The following BCAS3 variants were observed in gnomAD, a reference collection of about 807,000 sequenced individuals.
BCAS3 encodes the protein BCAS4/BCAS3 fusion.
In BCAS3, 53 loss-of-function variants were observed where a neutral mutation model predicts 116.1. The observed-to-expected ratio is 0.46, with a 90% CI of 0.37 to 0.57. The LOEUF (loss-of-function observed/expected upper bound fraction) is 0.57. Among genes scored for constraint, BCAS3 ranks in the 20% least tolerant of loss-of-function variants. BCAS3 has a pLI of 0.00. For synonymous variants in BCAS3, 391 were observed against 408.2 expected, an observed-to-expected ratio of 0.96 and a Z score of 0.51; for missense variants, 917 against 1,165.4, an observed-to-expected ratio of 0.79 and a Z score of 3.10.
At chr17:61,024,103 G>C (rs879587700) in intron 16 of BCAS3, among the ~76,000 whole-genome samples, 1 of 152,124 alleles carries the variant, frequency 6.6e-6, no homozygotes, top group Non-Finnish European at 1.5e-5. Context: ...GAAGTCATAG[G>C]TGAAGACAGC....
chr17:60,767,837 G>A (rs932339386), intron 6 of BCAS3, among the ~76,000 whole-genome samples: 1 of 152,062 alleles, frequency 6.6e-6, no homozygotes, highest in Non-Finnish European at 1.5e-5. Flanking sequence ...GTCTCACTCT[G>A]TTGCCCAGGC....
intron 22 of BCAS3, among the ~76,000 whole-genome samples, chr17:61,119,226 A>G (rs1261366774): frequency 6.6e-6 from 1 of 152,208 alleles, no homozygotes; most frequent in African/African-American, 2.4e-5. Context: ...ATGAATGACT[A>G]AAACCTAACA....
intron 5 of BCAS3, among the ~76,000 whole-genome samples, chr17:60,729,430 C>T (rs1223635156): frequency 4.7e-5 from 7 of 150,292 alleles, no homozygotes; most frequent in Non-Finnish European, 7.4e-5. Context: ...AAGAAATTGC[C>T]CAAGGTTTTC....
chr17:60,788,133 A>T (rs1007019353), intron 6 of BCAS3, among the ~76,000 whole-genome samples: 1 of 152,194 alleles, frequency 6.6e-6, no homozygotes, highest in Middle Eastern at 3.2e-3. Flanking sequence ...ACACTAAGGG[A>T]TTAAATGCAG....
chr17:60,763,979 T>C (rs1361111662), intron 6 of BCAS3, among the ~76,000 whole-genome samples: 1 of 152,236 alleles, frequency 6.6e-6, no homozygotes, highest in Non-Finnish European at 1.5e-5. Flanking sequence ...CTAGTTTATT[T>C]GCATAGAGGT....
At chr17:60,810,941 T>C in intron 7 of BCAS3, 1 of 687,778 alleles carries the variant, frequency 1.5e-6, no homozygotes, top group Non-Finnish European at 2.7e-6. Flanking sequence ...TATGACGAAC[T>C]GGCTCAGAAG....
intron 22 of BCAS3, among the ~76,000 whole-genome samples, chr17:61,091,472 T>A (rs2143593019): frequency 6.6e-6 from 1 of 152,338 alleles, no homozygotes; most frequent in South Asian, 2.1e-4. Flanking sequence ...GACATGAGTG[T>A]CAAAACTGTT....
rs2067132339 is a variant in BCAS3, at chr17:61,037,544, C to T, written c.1763-345C>T. Among the ~76,000 whole-genome samples, 2 of 152,060 alleles carry T rather than the reference C, an allele frequency of 1.3e-5. No individual in the cohort carries two copies. The highest frequency in any genetic ancestry group is 4.8e-5 in the African/African-American group (2 of 41,380). On this transcript the variant is annotated intron_variant, in intron 17 of 23. Coordinates refer to ENST00000407086, the MANE Select transcript of BCAS3 (RefSeq NM_017679.5). This position sits in a 1 kb window ranked among gnomAD's most constrained non-coding sequence, Gnocchi z 4.7. ...CCCAGCACTTTGAGAGGCTAAGGTGCACAGATCACCTGAGGTCAGGAGTTC... is the reference window on the plus strand; with the variant it reads ...CCCAGCACTTTGAGAGGCTAAGGTGTACAGATCACCTGAGGTCAGGAGTTC...
intron 6 of BCAS3, 123 bp downstream of exon 6, chr17:60,747,402 C>T: frequency 1.4e-6 from 1 of 706,254 alleles, no homozygotes; most frequent in East Asian, 2.5e-5. Flanking sequence ...TTCCCCTTCC[C>T]CACCTCCCCC....
intron 7 of BCAS3, among the ~76,000 whole-genome samples, chr17:60,815,612 T>C (rs1173024368): frequency 6.6e-6 from 1 of 152,158 alleles, no homozygotes; most frequent in Admixed American, 6.5e-5. Context: ...CCAAAATAAT[T>C]TAAGTTAATG....
rs1444881282 is a variant in BCAS3, at chr17:61,376,759, C to T, written c.2593+8265C>T. Among the ~76,000 whole-genome samples the T allele has an allele frequency of 6.6e-6, 1 of 152,224 alleles. No homozygotes were observed. ...AAAATTGCACCTGTCTCAGCAAATGCTATCACCCAAGCAACTTAGCCAGAA... is the reference window on the plus strand; with the variant it reads ...AAAATTGCACCTGTCTCAGCAAATGTTATCACCCAAGCAACTTAGCCAGAA... On this transcript the variant is annotated intron_variant, in intron 23 of 23. Transcript: ENST00000407086. The surrounding 1 kb of genome is among the most constrained non-coding windows in gnomAD (Gnocchi z 4.5).
At chr17:60,744,017 G>A (rs2041823778) in intron 5 of BCAS3, among the ~76,000 whole-genome samples, 1 of 152,046 alleles carries the variant, frequency 6.6e-6, no homozygotes, top group African/African-American at 2.4e-5. Flanking sequence ...TGGTACGTCC[G>A]GTTTATGCCC....
At chr17:61,305,224 G>A (rs1459762503) in intron 22 of BCAS3, among the ~76,000 whole-genome samples, 5 of 152,088 alleles carry the variant, frequency 3.3e-5, no homozygotes, top group Non-Finnish European at 5.9e-5. Context: ...AGATGACCCC[G>A]GTGCATAGTC....
At chr17:60,892,309 C>T (rs1481516600) in intron 10 of BCAS3, among the ~76,000 whole-genome samples, 2 of 145,912 alleles carry the variant, frequency 1.4e-5, no homozygotes, top group African/African-American at 2.6e-5. Flanking sequence ...TTGTTTTTGA[C>T]TTATTTTTTT....
At chr17:60,806,068 G>A (rs2048253901) in intron 6 of BCAS3, among the ~76,000 whole-genome samples, 2 of 151,716 alleles carry the variant, frequency 1.3e-5, no homozygotes. Flanking sequence ...CTAGAGATGG[G>A]GTTTCACCAT....
intron 6 of BCAS3, among the ~76,000 whole-genome samples, chr17:60,784,263 G>T (rs2046081590): frequency 6.7e-6 from 1 of 148,730 alleles, no homozygotes. Context: ...ACTTAGTGAT[G>T]ATGGCGTGTG....
In BCAS3 at chr17:61,348,324, T is replaced by G. The variant is rs2057627734; in HGVS notation, c.2426-20003T>G. 6.6e-6 allele frequency among the ~76,000 whole-genome samples: 1 copy of G among 151,708 alleles called. No homozygotes were observed. The highest frequency in any genetic ancestry group is 2.1e-4 in the South Asian group (1 of 4,806). ...ATGAATTTGTTTGGGAGATGTTGAG[T>G]TGGAGGTGCCTGTGGAACATCCAAG... On this transcript the variant is annotated intron_variant, in intron 22 of 23. Coordinates refer to ENST00000407086, the MANE Select transcript of BCAS3 (RefSeq NM_017679.5). The surrounding 1 kb of genome is among the most constrained non-coding windows in gnomAD (Gnocchi z 4.5).
At chr17:61,127,880 T>TAC (rs1280206454) in intron 22 of BCAS3, among the ~76,000 whole-genome samples, 1 of 151,746 alleles carries the variant, frequency 6.6e-6, no homozygotes. Context: ...CACGAATGCA[T>TAC]ACATACTGCT....
At chr17:60,807,924 T>A in intron 6 of BCAS3, 80 bp from the exon 7 acceptor site, 22 of 982,994 alleles carry the variant, frequency 2.2e-5, no homozygotes, top group Non-Finnish European at 3.4e-5. Context: ...CCTTTTCAAG[T>A]ATTTTGAAAG....
Sources: allele counts gnomAD v4.1 joint callset (sites outside exome capture counted in the v4.1 genomes callset), GRCh38; gene constraint gnomAD v4.1.1; non-coding constraint Gnocchi (gnomAD v3.1); transcripts MANE v1.5; gene names NCBI Gene and HGNC (gene_info 2026-07-23, HGNC 2026-07-21).